The following CPM variants were observed in gnomAD, a reference collection of about 807,000 sequenced individuals.
CPM encodes the protein carboxypeptidase M.
A neutral mutation model predicts 46.4 loss-of-function variants in CPM; 35 were observed. The ratio of observed to expected loss-of-function variants is 0.75; its 90% CI spans 0.58 to 1.00. The LOEUF (loss-of-function observed/expected upper bound fraction) is 1.00. Ranked by LOEUF, CPM falls within the 50% of genes least tolerant of loss-of-function variation. CPM has a pLI of 0.00. For synonymous variants in CPM, 195 were observed against 195.3 expected (o/e 1.00, Z 0.01); for missense variants, 422 against 530.4 (o/e 0.80, Z 2.01).
chr12:68,909,807 G>A (rs1189464894), intron 2 of CPM, among the ~76,000 whole-genome samples: 1 of 138,710 alleles, frequency 7.2e-6, no homozygotes, highest in Non-Finnish European at 1.5e-5. Context: ...GACACAGGGA[G>A]GGAAACATCA....
At chr12:68,962,093 A>T (rs11177420) in intron 1 of CPM, among the ~76,000 whole-genome samples, 1 of 151,538 alleles carries the variant, frequency 6.6e-6, no homozygotes, top group Non-Finnish European at 1.5e-5. Context: ...TCAGCTACTC[A>T]GGAGGCTGAG....
chr12:68,923,214 T>TGTG (rs57539846), intron 2 of CPM, among the ~76,000 whole-genome samples: 86 of 138,590 alleles, frequency 6.2e-4, no homozygotes, highest in Non-Finnish European at 1.2e-3. Flanking sequence ...TGTGTGTGTG[T>TGTG]TTTGAGTAAT....
downstream of CPM, chr12:68,847,196 T>TTATATATATATATATATATACATATATA (rs59862219): frequency 3.3e-5 from 3 of 92,078 alleles, no homozygotes; most frequent in African/African-American, 1.2e-4. Context: ...TGTGTGTACA[T>TTATATATATATATATATATACATATATA]TATATATATA....
At chr12:68,957,407 C>T in intron 1 of CPM, 1 of 266,868 alleles carries the variant, frequency 3.7e-6, no homozygotes, top group Non-Finnish European at 7.7e-6. Context: ...CCTTTAGTAG[C>T]ATCTCCATGA....
At position 68,933,169 on chromosome 12, in the gene CPM, C is replaced by T. The variant is rs541624246; in HGVS notation, c.-31G>A. 3.1e-4 allele frequency: 52 copies of T among 167,518 alleles called. 1 individual carries two copies. The South Asian group carries it at 8.5e-3, about 28-fold the overall frequency. The allele number at this position is 167,518 out of a possible 1,614,324, so 10.4% of individuals were successfully genotyped here. ...GGTCCCAGGCGCGCACCTCTACCCA[C>T]CCGCGGCCGCCCGGCGGGGCCGGGT... On this transcript the variant is annotated 5_prime_UTR_variant, in exon 1 of 9. It adds an upstream start codon to the 5' untranslated region. Coordinates refer to ENST00000551568, the MANE Select transcript of CPM (RefSeq NM_198320.5).
At chr12:68,893,789 G>A (rs1022905642) in intron 2 of CPM, among the ~76,000 whole-genome samples, 3 of 152,200 alleles carry the variant, frequency 2.0e-5, no homozygotes, top group African/African-American at 7.2e-5. Flanking sequence ...TCTAAAATGA[G>A]GCCACCTGCT....
intron 7 of CPM, among the ~76,000 whole-genome samples, chr12:68,864,081 A>C (rs755250603): frequency 2.6e-5 from 4 of 152,322 alleles, no homozygotes; most frequent in African/African-American, 7.2e-5. Flanking sequence ...ATGTGCCAAT[A>C]TATGTATTTT....
In CPM at chr12:68,891,164, A is replaced by G. The variant is rs146791978; in HGVS notation, c.161-5275T>C. On this transcript the variant is annotated intron_variant, in intron 2 of 8. Transcript: ENST00000551568. ...TATCTTCCCTAACAACGATCCAAAG[A>G]TCTGACATCAATTTCACGTATGCAC... Among the ~76,000 whole-genome samples, 6 of 152,382 alleles carry G rather than the reference A, an allele frequency of 3.9e-5. No individual in the cohort carries two copies. The East Asian group carries it at 1.2e-3, about 29-fold the overall frequency.
At chr12:68,885,695 C>A (rs1479607129) in intron 3 of CPM, 97 bp downstream of exon 3, 7 of 979,232 alleles carry the variant, frequency 7.1e-6, no homozygotes, top group Non-Finnish European at 1.1e-5. Flanking sequence ...ATGCTGGAGA[C>A]TTCTCCAGGC....
chr12:68,932,576 G>C, intron 2 of CPM, 102 bp downstream of exon 2: 1 of 1,369,202 alleles, frequency 7.3e-7, no homozygotes. Context: ...GTGCCACTCA[G>C]AGTAGGTGCG....
In CPM at chr12:68,851,443, C is replaced by G. The variant is rs889979844; in HGVS notation, c.*4994G>C. On this transcript the variant is annotated 3_prime_UTR_variant, in exon 9 of 9. Coordinates refer to ENST00000551568, the MANE Select transcript of CPM (RefSeq NM_198320.5). ...TGGCTAACACGGTGAAACCCCGTCTCTACTACAAATACAAAAAATTAGCCG... is the reference window on the plus strand; with the variant it reads ...TGGCTAACACGGTGAAACCCCGTCTGTACTACAAATACAAAAAATTAGCCG... 1 of 152,170 alleles carries G rather than the reference C, an allele frequency of 6.6e-6. No individual in the cohort carries two copies. Among genetic ancestry groups the G allele is most frequent in the East Asian group, 1.9e-4 (1 of 5,190 alleles). 9.4% of individuals were successfully genotyped at this position (152,170 alleles called of 1,614,324 possible).
intron 7 of CPM, among the ~76,000 whole-genome samples, chr12:68,863,504 C>T (rs1036368411): frequency 2.0e-5 from 3 of 152,086 alleles, no homozygotes; most frequent in East Asian, 3.9e-4. Context: ...CCAAGGGGCC[C>T]GAGTTTCAGT....
At position 68,884,110 on chromosome 12, in the gene CPM, GAAAAAA is replaced by G. The variant is rs35514888; in HGVS notation, c.258+1676_258+1681del. ...GGGAGACAAGAGCGAAATTCCATCGGAAAAAAAAAAAAAAAAAAAAAAGCATTCTGA... is the reference window on the plus strand; with the variant it reads ...GGGAGACAAGAGCGAAATTCCATCGGAAAAAAAAAAAAAAAAGCATTCTGA... On this transcript the variant is annotated intron_variant, in intron 3 of 8. Transcript: ENST00000551568. Among the ~76,000 whole-genome samples, 491 of 63,890 alleles carry G rather than the reference GAAAAAA, an allele frequency of 7.7e-3. 3 individuals are homozygous for G. The highest frequency in any genetic ancestry group is 0.028 in the African/African-American group (447 of 16,224). The allele number at this position is 63,890 out of a possible 152,430, so 41.9% of individuals were successfully genotyped here.
chr12:68,895,556 C>A (rs1886837402), intron 2 of CPM, among the ~76,000 whole-genome samples: 1 of 152,180 alleles, frequency 6.6e-6, no homozygotes, highest in South Asian at 2.1e-4. Context: ...CATAACCAAC[C>A]CAAACCAAAA....
intron 3 of CPM, among the ~76,000 whole-genome samples, 174 bp from the exon 4 acceptor site, chr12:68,872,130 GTGGCGA>G (rs1885728258): frequency 6.6e-6 from 1 of 152,198 alleles, no homozygotes; most frequent in African/African-American, 2.4e-5. Flanking sequence ...TGGCCATCAG[GTGGCGA>G]TCAGTCCTGA....
intron 2 of CPM, among the ~76,000 whole-genome samples, chr12:68,904,017 G>A (rs60614661): frequency 6.6e-6 from 1 of 152,096 alleles, no homozygotes; most frequent in Non-Finnish European, 1.5e-5. Context: ...CTCCCATGTA[G>A]CTGGGACCAC....
At position 68,862,855 on chromosome 12, in the gene CPM, T is replaced by TA. The variant is rs575145362; in HGVS notation, c.941-3785dup. On this transcript the variant is annotated intron_variant, in intron 7 of 8. Transcript: ENST00000551568. The stretch of plus-strand genomic sequence containing the variant: ...GACGCAGAGAGAGCCAACACTATAT[T>TA]AAAAAAAAAAAAAGGAAAATTTGAA... Among the ~76,000 whole-genome samples, 1,336 of 137,036 alleles carry TA rather than the reference T, an allele frequency of 9.7e-3. 10 individuals are homozygous for TA. The highest frequency in any genetic ancestry group is 0.042 in the Middle Eastern group (11 of 262). 89.9% of individuals were successfully genotyped at this position (137,036 alleles called of 152,430 possible).
intron 2 of CPM, among the ~76,000 whole-genome samples, chr12:68,928,340 C>A (rs551318064): frequency 8.6e-4 from 131 of 152,284 alleles, no homozygotes; most frequent in South Asian, 6.2e-3. Context: ...GAAACTGGAT[C>A]CCTTCCTTAC....
intron 4 of CPM, among the ~76,000 whole-genome samples, chr12:68,870,879 T>C (rs1266669072): frequency 6.6e-6 from 1 of 152,182 alleles, no homozygotes; most frequent in South Asian, 2.1e-4. Context: ...TTTAAGTCGC[T>C]AATTTTGGGG....
Sources: allele counts gnomAD v4.1 joint callset (sites outside exome capture counted in the v4.1 genomes callset), GRCh38; gene constraint gnomAD v4.1.1; transcripts MANE v1.5; gene names NCBI Gene and HGNC (gene_info 2026-07-23, HGNC 2026-07-21).